Variants in SFXN5 observed in about 807,000 individuals in gnomAD.
SFXN5 encodes sideroflexin-5.
A neutral mutation model predicts 50.2 loss-of-function variants in SFXN5; 43 were observed. That is an observed-to-expected ratio of 0.86 (90% CI 0.67 to 1.11). The LOEUF is 1.11. Ranked by LOEUF, SFXN5 falls within the 50% of genes least tolerant of loss-of-function variation. The pLI is 0.00. For synonymous variants in SFXN5, 203 were observed against 185.8 expected (o/e 1.09, Z -0.75); for missense variants, 463 against 454.1 (o/e 1.02, Z -0.18).
chr2:73,008,357 G>A (rs1351938828), intron 6 of SFXN5, among the ~76,000 whole-genome samples: 2 of 152,070 alleles, frequency 1.3e-5, no homozygotes, highest in Non-Finnish European at 2.9e-5. Flanking sequence ...GACATGGAGC[G>A]GGGAGAAGGA....
At chr2:73,003,887 C>G (rs1364114211) in intron 6 of SFXN5, among the ~76,000 whole-genome samples, 1 of 152,142 alleles carries the variant, frequency 6.6e-6, no homozygotes, top group Non-Finnish European at 1.5e-5. Flanking sequence ...CAACCTCCTA[C>G]CCTAACATGG....
chr2:72,952,706 C>T (rs767827913), intron 13 of SFXN5, among the ~76,000 whole-genome samples: 2 of 152,168 alleles, frequency 1.3e-5, no homozygotes, highest in Non-Finnish European at 2.9e-5. Context: ...CCTCAGTTTC[C>T]CCACATGTAT....
rs77574992 is a variant in SFXN5 at position 73,059,778 on chromosome 2, G to C, written c.103-1182C>G. On this transcript the variant is annotated intron_variant, in intron 1 of 13. Transcript: ENST00000272433. ...CAGCCCAGACCATTTTCCCATTAAA[G>C]ACATACATAAGGGAGGCTCACAATG... 2,533 of 978,708 alleles carry C rather than the reference G, an allele frequency of 2.6e-3. 171 individuals are homozygous for C. The African/African-American group carries it at 0.041, about 16-fold the overall frequency. 60.6% of individuals were successfully genotyped at this position (978,708 alleles called of 1,614,324 possible). A position where few individuals can be genotyped will look rare whatever the true frequency, so the allele number is the denominator to read the frequency against.
intron 6 of SFXN5, among the ~76,000 whole-genome samples, chr2:73,003,712 T>C (rs1674230635): frequency 1.3e-5 from 2 of 152,238 alleles, no homozygotes; most frequent in Non-Finnish European, 2.9e-5. Flanking sequence ...ATTTTCATCT[T>C]CACTTGATTT....
intron 11 of SFXN5, among the ~76,000 whole-genome samples, chr2:72,969,230 G>T (rs1366844190): frequency 1.3e-5 from 2 of 152,190 alleles, no homozygotes; most frequent in Admixed American, 1.3e-4. Context: ...ACTACCTCGG[G>T]GGTGGTGGGC....
rs188448660 is a variant in SFXN5 at position 73,021,222 on chromosome 2, G to C, written c.332-958C>G. On this transcript the variant is annotated intron_variant, in intron 5 of 13. Transcript: ENST00000272433. Reference sequence around the variant, plus strand: ...TACAACCACAACTGTAAGATGCTCAGAGCCCTTCCCAGCACTTTGGGAGGC... The same window carrying C: ...TACAACCACAACTGTAAGATGCTCACAGCCCTTCCCAGCACTTTGGGAGGC... 4.6e-3 allele frequency among the ~76,000 whole-genome samples: 698 copies of C among 152,222 alleles called. 9 individuals are homozygous for C. Among genetic ancestry groups the C allele is most frequent in the African/African-American group, 0.015 (630 of 41,548 alleles).
At chr2:72,996,435 A>G (rs372469050) in intron 9 of SFXN5, 1 of 150,174 alleles carries the variant, frequency 6.7e-6, no homozygotes, top group Non-Finnish European at 1.5e-5. Context: ...GGAGCGGCTG[A>G]TGGTCCCTCA....
rs973457594 is a variant in SFXN5 at position 72,950,874 on chromosome 2, C to T, written c.946-5775G>A. ...CAGACTGGCTCTGAGGGGCCTTCTCCGGGGATAAGGGGATGAGGAGAGAGG... is the reference window on the plus strand; with the variant it reads ...CAGACTGGCTCTGAGGGGCCTTCTCTGGGGATAAGGGGATGAGGAGAGAGG... On this transcript the variant is annotated intron_variant, in intron 13 of 13. Transcript: ENST00000272433. The surrounding 1 kb of genome is among the most constrained non-coding windows in gnomAD (Gnocchi z 4.2). 2.0e-5 allele frequency among the ~76,000 whole-genome samples: 3 copies of T among 152,188 alleles called. No homozygotes were observed. Among genetic ancestry groups the T allele is most frequent in the South Asian group, 2.1e-4 (1 of 4,836 alleles).
chr2:73,012,494 G>A (rs1675631173), intron 6 of SFXN5, among the ~76,000 whole-genome samples: 3 of 151,522 alleles, frequency 2.0e-5, no homozygotes, highest in South Asian at 2.1e-4. Flanking sequence ...ACGATTCCAG[G>A]GGAAGGGGGA....
chr2:73,052,384 G>A (rs554303675), intron 2 of SFXN5, among the ~76,000 whole-genome samples: 3 of 151,184 alleles, frequency 2.0e-5, no homozygotes, highest in Non-Finnish European at 4.4e-5. Flanking sequence ...GTGTGTGTGT[G>A]TGTGTGTGAT....
intron 13 of SFXN5, among the ~76,000 whole-genome samples, chr2:72,955,300 C>A (rs1461620545): frequency 6.6e-6 from 1 of 152,188 alleles, no homozygotes; most frequent in Non-Finnish European, 1.5e-5. Flanking sequence ...CGCCCGTTCA[C>A]GCAGTAATCC....
At chr2:73,061,144 C>A (rs191729381) in intron 1 of SFXN5, among the ~76,000 whole-genome samples, 1 of 151,796 alleles carries the variant, frequency 6.6e-6, no homozygotes, top group African/African-American at 2.4e-5. Flanking sequence ...GGTGAAACCC[C>A]GTCCATACTA....
intron 10 of SFXN5, among the ~76,000 whole-genome samples, chr2:72,984,679 G>A (rs150739785): frequency 2.0e-3 from 307 of 152,346 alleles, no homozygotes; most frequent in African/African-American, 7.0e-3. Flanking sequence ...AATATGAGGG[G>A]AGCCGTGCAG....
At chr2:72,985,742 A>T (rs1671840486) in intron 10 of SFXN5, among the ~76,000 whole-genome samples, 1 of 152,136 alleles carries the variant, frequency 6.6e-6, no homozygotes, top group East Asian at 1.9e-4. Context: ...TCAGGATCTC[A>T]AGACAACAGT....
In SFXN5 at chr2:73,008,729, C is replaced by T. The variant is rs535962989; in HGVS notation, c.358-7151G>A. On this transcript the variant is annotated intron_variant, in intron 6 of 13. Coordinates refer to ENST00000272433, the MANE Select transcript of SFXN5 (RefSeq NM_144579.3). ...ACGAACCGCAGAGCCTCAGGGACAG[C>T]CTCAGTGCACCGGCATAGCCGCGGT... Among the ~76,000 whole-genome samples, 127 of 152,304 alleles carry T rather than the reference C, an allele frequency of 8.3e-4. 2 individuals carry two copies. The highest frequency in any genetic ancestry group is 2.8e-3 in the African/African-American group (118 of 41,564).
chr2:73,070,221 C>T (rs1377997811), intron 1 of SFXN5, among the ~76,000 whole-genome samples: 20 of 152,160 alleles, frequency 1.3e-4, no homozygotes, highest in Admixed American at 1.3e-3. Context: ...ACACTCTCGC[C>T]CTAGATGGCC....
At position 72,943,825 on chromosome 2, in the gene SFXN5, C is replaced by T. The variant is rs568831063; in HGVS notation, c.*1197G>A. ...CAGGATGACCAGCATCTGAGCAGGA[C>T]AAGCAAAGACGAGGTCTTGCTGGAG... On this transcript the variant is annotated 3_prime_UTR_variant, in exon 14 of 14. Transcript: ENST00000272433. 1 of 152,654 alleles carries T rather than the reference C, an allele frequency of 6.6e-6. No homozygotes were observed. Among genetic ancestry groups the T allele is most frequent in the African/African-American group, 2.4e-5 (1 of 41,596 alleles). The allele number at this position is 152,654 out of a possible 1,614,324, so 9.5% of individuals were successfully genotyped here. A position where few individuals can be genotyped will look rare whatever the true frequency, so the allele number is the denominator to read the frequency against.
At chr2:72,995,194 G>A (rs1029705740) in intron 9 of SFXN5, among the ~76,000 whole-genome samples, 6 of 152,144 alleles carry the variant, frequency 3.9e-5, no homozygotes, top group East Asian at 3.9e-4. Flanking sequence ...TCGTGTAGCC[G>A]GGGCCCAGGG....
At chr2:73,052,169 C>T (rs1158390731) in intron 2 of SFXN5, among the ~76,000 whole-genome samples, 1 of 152,142 alleles carries the variant, frequency 6.6e-6, no homozygotes, top group Non-Finnish European at 1.5e-5. Flanking sequence ...CACTTGCAGC[C>T]TCAGACCTGG....
Sources: allele counts gnomAD v4.1 joint callset (sites outside exome capture counted in the v4.1 genomes callset), GRCh38; gene constraint gnomAD v4.1.1; non-coding constraint Gnocchi (gnomAD v3.1); transcripts MANE v1.5; gene names NCBI Gene and HGNC (gene_info 2026-07-23, HGNC 2026-07-21).